Variants in LRIG1 observed in about 807,000 individuals in gnomAD.
LRIG1 encodes the protein leucine-rich repeats and immunoglobulin-like domains protein 1.
In LRIG1, 48 loss-of-function variants were observed where a neutral mutation model predicts 99.2. That is an observed-to-expected ratio of 0.48 (90% CI 0.38 to 0.62). LRIG1 has a LOEUF of 0.62. Ranked by LOEUF, LRIG1 falls within the 20% of genes least tolerant of loss-of-function variation. LRIG1 has a pLI of 0.00. For missense variants in LRIG1, 1,646 were observed against 1,434.4 expected (o/e 1.15, Z -2.38); for synonymous variants, 772 against 596.1 (o/e 1.29, Z -4.30).
In LRIG1 at chr3:66,394,055, C is replaced by T. The variant is rs757053016; in HGVS notation, c.1453G>A (p.Glu485Lys). ...KGQSIFSVPP[E>K]SFVCDDFLKP... ...ACAGTCTTACCGCACACGAAACTCTCTGGTGGCACAGAGAAAATGCTCTGA... is the reference window on the plus strand; with the variant it reads ...ACAGTCTTACCGCACACGAAACTCTTTGGTGGCACAGAGAAAATGCTCTGA... The change falls in exon 12 of 19, where the codon GAG becomes AAG. Residue 485 changes from glutamate to lysine, a missense_variant. Glu to Lys is a moderately conservative substitution (Grantham distance 56). Transcript: ENST00000273261. 1.9e-6 allele frequency: 3 copies of T among 1,614,132 alleles called. No individual in the cohort carries two copies. In the East Asian group the frequency reaches 6.7e-5, roughly 36 times the overall value.
In LRIG1 at chr3:66,405,287, A is replaced by T; in HGVS notation, c.1080-9T>A. The T allele has an allele frequency of 6.2e-7, 1 of 1,610,656 alleles. No individual in the cohort carries two copies. The highest frequency in any genetic ancestry group is 8.5e-7 in the Non-Finnish European group (1 of 1,176,856). On this transcript the variant is annotated splice_polypyrimidine_tract_variant and intron_variant, in intron 8 of 18. Transcript: ENST00000273261. ...CGTTATGGTCCAGATCCCTGGGGAG[A>T]GGACAGAAAGCAGCTCACCGAGCAG...
At chr3:66,383,521 C>CA (rs1278698349) in intron 14 of LRIG1, 120 bp from the exon 15 acceptor site, 4 of 927,744 alleles carry the variant, frequency 4.3e-6, no homozygotes, top group African/African-American at 3.3e-5. Flanking sequence ...GATTCTGTCT[C>CA]AGAGTGGCAA....
chr3:66,405,150 G>A (rs765908700), intron 9 of LRIG1, 48 bp downstream of exon 9: 1 of 1,539,574 alleles, frequency 6.5e-7, no homozygotes, highest in Non-Finnish European at 9.0e-7. Context: ...TCCCACCCAA[G>A]TGTGTCCCGC....
At chr3:66,483,204 C>T (rs1700890888) in intron 1 of LRIG1, among the ~76,000 whole-genome samples, 1 of 152,196 alleles carries the variant, frequency 6.6e-6, no homozygotes, top group Admixed American at 6.5e-5. Context: ...TCAGGGAGAA[C>T]ACAGCTTCCC....
chr3:66,466,431 G>A (rs532889126), intron 1 of LRIG1, among the ~76,000 whole-genome samples: 1 of 152,150 alleles, frequency 6.6e-6, no homozygotes, highest in African/African-American at 2.4e-5. Context: ...TGACATTTGG[G>A]TTGTTCCTCC....
rs1159591532 is a variant in LRIG1 at position 66,467,012 on chromosome 3, T to C, written c.219-4503A>G. On this transcript the variant is annotated intron_variant, in intron 1 of 18. Transcript: ENST00000273261. ...AACAACTGAGCCCAGCAATAGATGT[T>C]CTTTCAGCTAATCTGCTGAAAGATG... Among the ~76,000 whole-genome samples the C allele has an allele frequency of 2.0e-5, 3 of 152,212 alleles. No individual in the cohort carries two copies. In the East Asian group the frequency reaches 5.8e-4, roughly 29 times the overall value.
At chr3:66,487,779 T>C (rs1012990063) in intron 1 of LRIG1, among the ~76,000 whole-genome samples, 1 of 152,304 alleles carries the variant, frequency 6.6e-6, no homozygotes, top group East Asian at 1.9e-4. Context: ...TTGGCCTGTT[T>C]TGAGCTCAGA....
At chr3:66,410,412 G>C (rs1334764552) in intron 6 of LRIG1, 140 bp from the exon 7 acceptor site, 18 of 761,690 alleles carry the variant, frequency 2.4e-5, no homozygotes, top group Non-Finnish European at 3.8e-5. Flanking sequence ...GTGGAGTCTA[G>C]TCGCACACAT....
chr3:66,448,371 G>T (rs1252143341), intron 3 of LRIG1, among the ~76,000 whole-genome samples: 4 of 152,122 alleles, frequency 2.6e-5, no homozygotes, highest in Non-Finnish European at 5.9e-5. Context: ...ACTTCCAGAG[G>T]CAAAAGTCCA....
intron 1 of LRIG1, among the ~76,000 whole-genome samples, chr3:66,495,916 G>A (rs1701216848): frequency 6.6e-6 from 1 of 152,188 alleles, no homozygotes; most frequent in Non-Finnish European, 1.5e-5. Context: ...GGGAGAGAAA[G>A]GTCAGCCAGA....
intron 14 of LRIG1, among the ~76,000 whole-genome samples, chr3:66,383,671 G>A (rs1442625807): frequency 3.3e-5 from 5 of 151,374 alleles, no homozygotes; most frequent in Non-Finnish European, 7.4e-5. Context: ...CCTTATTCTT[G>A]ACCAAGCCCA....
In LRIG1 at chr3:66,500,413, C is replaced by G. The variant is rs772011643; in HGVS notation, c.-6G>C. 2.2e-6 allele frequency: 3 copies of G among 1,378,720 alleles called. No homozygotes were observed. The highest frequency in any genetic ancestry group is 5.8e-5 in the East Asian group (2 of 34,706). The allele number at this position is 1,378,720 out of a possible 1,614,324, so 85.4% of individuals were successfully genotyped here. On this transcript the variant is annotated 5_prime_UTR_variant, in exon 1 of 19. Coordinates refer to ENST00000273261, the MANE Select transcript of LRIG1 (RefSeq NM_015541.3). ...CCCCGGACCGGCCGCGCCATCTTGT[C>G]TGGAGCGCGCTGCGAACTCCGGGCG...
chr3:66,499,825 G>A (rs1353473982), intron 1 of LRIG1, among the ~76,000 whole-genome samples: 2 of 149,904 alleles, frequency 1.3e-5, no homozygotes, highest in Admixed American at 1.3e-4. Flanking sequence ...CTCTTCTCCA[G>A]ACGTTTCCCA....
intron 3 of LRIG1, among the ~76,000 whole-genome samples, chr3:66,445,894 T>C (rs1361394779): frequency 6.6e-6 from 1 of 152,146 alleles, no homozygotes; most frequent in Non-Finnish European, 1.5e-5. Flanking sequence ...AGCCTGATTA[T>C]TAACAACCTT....
Position 66,500,179 on chromosome 3 carries a change from G to C in LRIG1, c.218+11C>G, listed in dbSNP as rs1701324293. The C allele has an allele frequency of 6.6e-7, 1 of 1,512,894 alleles. No individual in the cohort carries two copies. Among genetic ancestry groups the C allele is most frequent in the Admixed American group, 2.0e-5 (1 of 49,428 alleles). 93.7% of individuals were successfully genotyped at this position (1,512,894 alleles called of 1,614,324 possible). ...CCGGGGCGCAGAGAGGGCGGAAAGG[G>C]CGGCACTCACAGGCTCCGCGTCCAG... On this transcript the variant is annotated intron_variant, in intron 1 of 18. Coordinates refer to ENST00000273261, the MANE Select transcript of LRIG1 (RefSeq NM_015541.3).
chr3:66,392,114 A>G (rs928402450), intron 12 of LRIG1, among the ~76,000 whole-genome samples: 1 of 152,178 alleles, frequency 6.6e-6, no homozygotes, highest in South Asian at 2.1e-4. Flanking sequence ...AAGTTCATTC[A>G]TGTTGCAGGA....
chr3:66,412,218 A>C lies in LRIG1; in HGVS notation c.791+653T>G, dbSNP rs372161320. Among the ~76,000 whole-genome samples, 29 of 152,276 alleles carry C rather than the reference A, an allele frequency of 1.9e-4. No individual in the cohort carries two copies. In the South Asian group the frequency reaches 5.6e-3, roughly 29 times the overall value. On this transcript the variant is annotated intron_variant, in intron 6 of 18. Transcript: ENST00000273261. Reference sequence around the variant, plus strand: ...TTGATTAGCTCACAAGACAGAAATAAACCTCCTAAGATGAGCTCTACATTT... The same window carrying C: ...TTGATTAGCTCACAAGACAGAAATACACCTCCTAAGATGAGCTCTACATTT...
intron 1 of LRIG1, among the ~76,000 whole-genome samples, chr3:66,468,310 G>T (rs903470209): frequency 3.9e-5 from 6 of 152,160 alleles, no homozygotes; most frequent in Non-Finnish European, 5.9e-5. Context: ...ACAGACCACT[G>T]ACGAACACAG....
chr3:66,388,993 G>A (rs752441681), intron 12 of LRIG1, among the ~76,000 whole-genome samples: 11 of 152,090 alleles, frequency 7.2e-5, no homozygotes, highest in South Asian at 4.1e-4. Flanking sequence ...TGTAACTCGC[G>A]TCTCCTGATT....
Sources: gnomAD v4.1 joint callset for allele counts (sites outside exome capture counted in the v4.1 genomes callset) on GRCh38, gnomAD v4.1.1 for gene constraint, MANE v1.5 for transcripts, NCBI Gene and HGNC (gene_info 2026-07-23, HGNC 2026-07-21) for gene names.